Variants in LAMP3 observed in about 807,000 individuals in gnomAD.
LAMP3 encodes the protein lysosome associated membrane protein 3.
LAMP3 carries 26 observed loss-of-function variants against 34.8 expected under a neutral mutation model. The ratio of observed to expected loss-of-function variants is 0.75; its 90% CI spans 0.55 to 1.04. The LOEUF is 1.04. Ranked by LOEUF, LAMP3 falls within the 50% of genes least tolerant of loss-of-function variation. LAMP3 has a pLI of 0.00. For missense variants in LAMP3, 495 were observed against 524.0 expected (o/e 0.94, Z 0.54); for synonymous variants, 180 against 201.9 (o/e 0.89, Z 0.92).
intron 3 of LAMP3, among the ~76,000 whole-genome samples, chr3:183,141,101 G>A (rs1447987848): frequency 1.3e-5 from 2 of 152,170 alleles, no homozygotes; most frequent in Non-Finnish European, 2.9e-5. Context: ...AACCCTCTGG[G>A]AAAAACAATG....
At position 183,153,835 on chromosome 3, in the gene LAMP3, G is replaced by A; in HGVS notation, c.606C>T (p.Thr202=). ...PGTTAAAHNT[T]RTAAPASTVP... Reference sequence around the variant, plus strand: ...CCGTGGAGGCAGGTGCAGCTGTGCGGGTGGTATTGTGGGCAGCTGCCGTTG... The same window carrying A: ...CCGTGGAGGCAGGTGCAGCTGTGCGAGTGGTATTGTGGGCAGCTGCCGTTG... Residue 202 remains threonine (T), a synonymous_variant, in exon 2 of 6, where the codon ACC becomes ACT. Coordinates refer to ENST00000265598, the MANE Select transcript of LAMP3 (RefSeq NM_014398.4). 6.2e-7 allele frequency: 1 copy of A among 1,608,342 alleles called. No homozygotes were observed. Among genetic ancestry groups the A allele is most frequent in the Non-Finnish European group, 8.5e-7 (1 of 1,176,736 alleles).
At chr3:183,163,391 A>G (rs940677968), upstream of LAMP3, among the ~76,000 whole-genome samples, 8 of 151,252 alleles carry the variant, frequency 5.3e-5, no homozygotes, top group Non-Finnish European at 1.2e-4. Context: ...CCCTGGTTCA[A>G]GCGATTCTCC....
intron 1 of LAMP3, among the ~76,000 whole-genome samples, chr3:183,158,430 C>G (rs956727353): frequency 9.2e-5 from 14 of 152,082 alleles, no homozygotes; most frequent in Non-Finnish European, 1.8e-4. Context: ...GACCCTCCCT[C>G]TATACACAGA....
At chr3:183,126,573 T>G (rs1719786904) in intron 5 of LAMP3, among the ~76,000 whole-genome samples, 1 of 151,600 alleles carries the variant, frequency 6.6e-6, no homozygotes, top group South Asian at 2.1e-4. Context: ...TGCACACGTG[T>G]GCATGTGTGC....
At chr3:183,141,487 C>T (rs1450854257) in intron 3 of LAMP3, among the ~76,000 whole-genome samples, 2 of 152,074 alleles carry the variant, frequency 1.3e-5, no homozygotes, top group East Asian at 3.9e-4. Context: ...TTAAACATTC[C>T]TTAGAAAACC....
intron 3 of LAMP3, among the ~76,000 whole-genome samples, chr3:183,142,094 T>A (rs969654743): frequency 6.6e-6 from 1 of 152,166 alleles, no homozygotes; most frequent in African/African-American, 2.4e-5. Flanking sequence ...GGGAGAAACA[T>A]CTCTTTTAAA....
chr3:183,160,365 C>T (rs1044536427), intron 1 of LAMP3, among the ~76,000 whole-genome samples: 9 of 152,192 alleles, frequency 5.9e-5, no homozygotes, highest in Non-Finnish European at 8.8e-5. Flanking sequence ...AGCACAGTAG[C>T]GTAGAGCCTG....
chr3:183,152,726 TG>T (rs1368880065), intron 2 of LAMP3, among the ~76,000 whole-genome samples: 2 of 152,194 alleles, frequency 1.3e-5, no homozygotes, highest in Admixed American at 1.3e-4. Context: ...AAATAATTGA[TG>T]GCAGGTATGT....
intron 4 of LAMP3, among the ~76,000 whole-genome samples, chr3:183,137,913 G>C (rs1157509207): frequency 1.3e-5 from 2 of 150,736 alleles, no homozygotes; most frequent in East Asian, 4.0e-4. Flanking sequence ...TCTGCCTCCC[G>C]GGTTCAAGCA....
At chr3:183,135,938 G>C in intron 4 of LAMP3, 51 bp from the exon 5 acceptor site, 1 of 1,456,498 alleles carries the variant, frequency 6.9e-7, no homozygotes, top group Non-Finnish European at 9.6e-7. Flanking sequence ...TAACCGCTGA[G>C]CTCCAGCTGT....
chr3:183,149,311 G>T (rs140288658), intron 3 of LAMP3, among the ~76,000 whole-genome samples: 3 of 151,754 alleles, frequency 2.0e-5, no homozygotes, highest in Non-Finnish European at 2.9e-5. Context: ...GGAGGCTCAG[G>T]GGGGCGGATC....
At chr3:183,128,017 A>G (rs951668639) in intron 5 of LAMP3, among the ~76,000 whole-genome samples, 17 of 152,010 alleles carry the variant, frequency 1.1e-4, no homozygotes, top group Admixed American at 9.8e-4. Flanking sequence ...TTGTGGTGGC[A>G]GGCGCCTGTA....
At chr3:183,160,923 G>A (rs1720958332) in intron 1 of LAMP3, 1 of 152,234 alleles carries the variant, frequency 6.6e-6, no homozygotes, top group African/African-American at 2.4e-5. Flanking sequence ...AGGAAGCCAT[G>A]TCCATCATTG....
chr3:183,124,082 T>TA lies in LAMP3; in HGVS notation c.1249dup (p.Ter417LeufsTer8). 3 of 1,614,108 alleles carry TA rather than the reference T, an allele frequency of 1.9e-6. No homozygotes were observed. The highest frequency in any genetic ancestry group is 2.5e-6 in the Non-Finnish European group (3 of 1,179,998). On this transcript the variant is annotated frameshift_variant and stop_lost, in exon 6 of 6. Transcript: ENST00000265598. LOFTEE classifies it high-confidence loss of function. ...ATTTTCATTCCCCCCGGGCAACAAT[T>TA]AGATTCTCTGGTATCCAGATGATTG...
At chr3:183,141,406 G>T (rs941437713) in intron 3 of LAMP3, among the ~76,000 whole-genome samples, 8 of 152,248 alleles carry the variant, frequency 5.3e-5, no homozygotes, top group African/African-American at 1.9e-4. Flanking sequence ...GAACTGAATT[G>T]GGGTGTAGAA....
At chr3:183,138,833 G>A (rs1560307302) in intron 4 of LAMP3, among the ~76,000 whole-genome samples, 1 of 152,070 alleles carries the variant, frequency 6.6e-6, no homozygotes, top group Non-Finnish European at 1.5e-5. Context: ...CTCACCTGCT[G>A]CTTATTCTCT....
intron 5 of LAMP3, chr3:183,132,637 G>A (rs1719959931): frequency 3.0e-6 from 3 of 985,402 alleles, no homozygotes; most frequent in Non-Finnish European, 3.6e-6. Context: ...GCAACAGGAG[G>A]AAGTAGGGGA....
chr3:183,129,884 G>A (rs1308151841), intron 5 of LAMP3, among the ~76,000 whole-genome samples: 1 of 152,178 alleles, frequency 6.6e-6, no homozygotes. Context: ...AAGTTAAAAT[G>A]AGGTCATTAG....
rs757480815 is a variant in LAMP3 at position 183,140,563 on chromosome 3, T to G, written c.921A>C (p.Gly307=). The change falls in exon 4 of 6, where the codon GGA becomes GGC. Residue 307 remains glycine (G), a synonymous_variant. Transcript: ENST00000265598. ...DEESYYISEV[G]AYLTVSDPET... The stretch of plus-strand genomic sequence containing the variant: ...CTGGATCTGAGACGGTCAAATAGGC[T>G]CCCACTTCACTGATATAATATGATT... 15 of 1,605,246 alleles carry G rather than the reference T, an allele frequency of 9.3e-6. No homozygotes were observed. The highest frequency in any genetic ancestry group is 8.3e-5 in the Admixed American group (5 of 59,928).
Sources: gnomAD v4.1 joint callset for allele counts (sites outside exome capture counted in the v4.1 genomes callset) on GRCh38, gnomAD v4.1.1 for gene constraint, MANE v1.5 for transcripts, NCBI Gene and HGNC (gene_info 2026-07-23, HGNC 2026-07-21) for gene names.